The following CPS1 variants were observed in gnomAD, a reference collection of about 807,000 sequenced individuals.
CPS1 encodes the protein carbamoyl-phosphate synthase [ammonia], mitochondrial.
Under a neutral mutation model 174.6 loss-of-function variants are expected in CPS1, and 109 were observed. The observed-to-expected ratio is 0.62, with a 90% CI of 0.53 to 0.73. The LOEUF (loss-of-function observed/expected upper bound fraction) is 0.73, where lower values mean the gene tolerates loss of function less well. Ranked by LOEUF, CPS1 falls within the 30% of genes least tolerant of loss-of-function variation. The probability of loss-of-function intolerance (pLI) is 0.00; values close to 1 mark genes in which losing one functional copy is unlikely to be tolerated. For missense variants in CPS1, 1,689 were observed against 1,821.9 expected, an observed-to-expected ratio of 0.93 and a Z score of 1.33; for synonymous variants, 637 against 632.0, an observed-to-expected ratio of 1.01 and a Z score of -0.12.
At chr2:210,589,444 G>A (rs1191683532) in intron 7 of CPS1, among the ~76,000 whole-genome samples, 1 of 152,012 alleles carries the variant, frequency 6.6e-6, no homozygotes, top group African/African-American at 2.4e-5. Context: ...ATTAAAATTT[G>A]ATAAGACTAA....
intron 21 of CPS1, chr2:210,617,634 C>A (rs1387753026): frequency 6.6e-6 from 1 of 151,776 alleles, no homozygotes; most frequent in South Asian, 2.1e-4. Flanking sequence ...TAATTATTGC[C>A]CATGTCAAAT....
At chr2:210,647,244 G>C (rs1194926221) in intron 25 of CPS1, among the ~76,000 whole-genome samples, 1 of 152,172 alleles carries the variant, frequency 6.6e-6, no homozygotes, top group Admixed American at 6.5e-5. Flanking sequence ...CAACAGCCAG[G>C]GAAGTTTCAG....
intron 18 of CPS1, among the ~76,000 whole-genome samples, chr2:210,608,082 G>A (rs1698983159): frequency 6.6e-6 from 1 of 151,842 alleles, no homozygotes; most frequent in Non-Finnish European, 1.5e-5. Context: ...TATCAATAAA[G>A]CTATCGATTT....
rs565884715 is a variant in CPS1, at chr2:210,623,216, T to C, written c.2687+6675T>C. On this transcript the variant is annotated intron_variant, in intron 21 of 37. Coordinates refer to ENST00000233072, the MANE Select transcript of CPS1 (RefSeq NM_001875.5). ...ATGCCGCTATTTATGTTAGCAATGT[T>C]GTAGATGACTACTTAAAAAGAATCT... 8.5e-5 allele frequency among the ~76,000 whole-genome samples: 13 copies of C among 152,300 alleles called. 1 individual carries two copies. In the South Asian group the frequency reaches 2.7e-3, roughly 32 times the overall value.
intron 19 of CPS1, among the ~76,000 whole-genome samples, chr2:210,611,423 G>T (rs73073593): frequency 0.019 from 2,923 of 151,934 alleles, 96 homozygotes; most frequent in African/African-American, 0.066. Flanking sequence ...AAAATAACTG[G>T]GTAGGTTGCA....
intron 1 of CPS1, among the ~76,000 whole-genome samples, chr2:210,570,180 G>A (rs1396405422): frequency 6.6e-6 from 1 of 151,858 alleles, no homozygotes; most frequent in Non-Finnish European, 1.5e-5. Flanking sequence ...AGTAAACAGA[G>A]GCTTTGTAAC....
chr2:210,601,556 ATTGCCAGATTTAATTATGTCC>A (rs1301773732), intron 15 of CPS1, among the ~76,000 whole-genome samples: 2 of 151,990 alleles, frequency 1.3e-5, no homozygotes, highest in Non-Finnish European at 2.9e-5. Context: ...TTGTTCTTTC[ATTGCCAGATTTAATTATGTCC>A]TTGCTTCCTC....
At chr2:210,535,730 T>C (rs769249047) in intron 1 of CPS1, among the ~76,000 whole-genome samples, 4 of 151,956 alleles carry the variant, frequency 2.6e-5, no homozygotes, top group Non-Finnish European at 5.9e-5. Context: ...CATCTGCTAA[T>C]ATTTCAAAAA....
At chr2:210,599,343 C>A in intron 13 of CPS1, 29 bp from the exon 14 acceptor site, 1 of 1,599,946 alleles carries the variant, frequency 6.3e-7, no homozygotes, top group South Asian at 1.1e-5. Flanking sequence ...ACCATATATT[C>A]ATGTACTGGA....
chr2:210,649,122 G>A (rs1468713917), intron 27 of CPS1, among the ~76,000 whole-genome samples: 1 of 151,986 alleles, frequency 6.6e-6, no homozygotes, highest in Non-Finnish European at 1.5e-5. Flanking sequence ...ACCAAACAAG[G>A]GATAATAAAA....
intron 1 of CPS1, among the ~76,000 whole-genome samples, chr2:210,514,641 CT>C (rs1695625080): frequency 1.3e-5 from 2 of 151,990 alleles, no homozygotes; most frequent in South Asian, 4.1e-4. Context: ...AGTTAGACTT[CT>C]TCTTTACCTA....
chr2:210,561,600 C>T (rs1697103105), intron 1 of CPS1, among the ~76,000 whole-genome samples: 1 of 152,184 alleles, frequency 6.6e-6, no homozygotes, highest in African/African-American at 2.4e-5. Context: ...CTAGAATTCA[C>T]TTCAAGCCTT....
chr2:210,665,198 A>T (rs1032232807), intron 33 of CPS1, among the ~76,000 whole-genome samples: 9 of 152,246 alleles, frequency 5.9e-5, no homozygotes, highest in Admixed American at 5.9e-4. Context: ...CTGTGGAGAG[A>T]AAAGCAGCAA....
intron 16 of CPS1, 150 bp downstream of exon 16, chr2:210,602,480 C>G (rs969798082): frequency 3.0e-5 from 31 of 1,020,568 alleles, no homozygotes; most frequent in Non-Finnish European, 4.6e-5. Flanking sequence ...AAAGATGACA[C>G]TTTTGCGAGA....
chr2:210,494,730 T>C (rs1410617298), intron 1 of CPS1, among the ~76,000 whole-genome samples: 1 of 152,210 alleles, frequency 6.6e-6, no homozygotes, highest in Non-Finnish European at 1.5e-5. Context: ...TGTCTCCTTT[T>C]TGTAGTGAGC....
At position 210,664,415 on chromosome 2, in the gene CPS1, T is replaced by C. The variant is rs527347831; in HGVS notation, c.4002+1218T>C. Among the ~76,000 whole-genome samples, 3 of 152,068 alleles carry C rather than the reference T, an allele frequency of 2.0e-5. No homozygotes were observed. In the East Asian group the frequency reaches 5.8e-4, roughly 29 times the overall value. On this transcript the variant is annotated intron_variant, in intron 33 of 37. Coordinates refer to ENST00000233072, the MANE Select transcript of CPS1 (RefSeq NM_001875.5). ...AGTGCAACGGCATGATCTCAGCTCATTGCAGCCTCCACTTCCTGGGTTCAA... is the reference window on the plus strand; with the variant it reads ...AGTGCAACGGCATGATCTCAGCTCACTGCAGCCTCCACTTCCTGGGTTCAA...
intron 1 of CPS1, among the ~76,000 whole-genome samples, chr2:210,539,508 A>G (rs543563654): frequency 3.9e-5 from 6 of 152,254 alleles, no homozygotes; most frequent in African/African-American, 7.2e-5. Context: ...ATGCAGTCCA[A>G]TACTCCATTT....
chr2:210,592,749 GTT>G lies in CPS1; in HGVS notation c.1087-129_1087-128del, dbSNP rs1366608609. On this transcript the variant is annotated intron_variant, in intron 10 of 37. Transcript: ENST00000233072. The stretch of plus-strand genomic sequence containing the variant: ...ACCATGTTACTTAATAGTACTGTTA[GTT>G]ACAAAAATTTTGTTAAGCATCTAAC... The G allele has an allele frequency of 4.9e-6, 4 of 820,878 alleles. No individual in the cohort carries two copies. The African/African-American group carries it at 6.7e-5, about 14-fold the overall frequency. The allele number at this position is 820,878 out of a possible 1,614,324, so 50.8% of individuals were successfully genotyped here.
chr2:210,590,285 C>T lies in CPS1; in HGVS notation c.840+51C>T, dbSNP rs13396451. 527 of 1,610,566 alleles carry T rather than the reference C, an allele frequency of 3.3e-4. 1 individual carries two copies. The African/African-American group carries it at 4.3e-3, about 13-fold the overall frequency. On this transcript the variant is annotated intron_variant, in intron 8 of 37. Transcript: ENST00000233072. ...TATCTGTGTGGGAGGTGGGGGCTTC[C>T]GCTCTATACCCTCAAAGGGCTGTGA...
Sources: gnomAD v4.1 joint callset for allele counts (sites outside exome capture counted in the v4.1 genomes callset) on GRCh38, gnomAD v4.1.1 for gene constraint, MANE v1.5 for transcripts, NCBI Gene and HGNC (gene_info 2026-07-23, HGNC 2026-07-21) for gene names.